Variants in NOD2 observed in about 807,000 individuals in gnomAD.
NOD2 encodes the protein nucleotide-binding oligomerization domain-containing protein 2.
In NOD2, 86 loss-of-function variants were observed where a neutral mutation model predicts 90.9. That is an observed-to-expected ratio of 0.95 (90% confidence interval 0.79 to 1.13). The LOEUF (loss-of-function observed/expected upper bound fraction) is 1.13, where lower values mean the gene tolerates loss of function less well. NOD2 is among the 50% of genes most tolerant of loss of function. The pLI is 0.00. For synonymous variants in NOD2, 581 were observed against 554.6 expected, an observed-to-expected ratio of 1.05 and a Z score of -0.67; for missense variants, 1,238 against 1,283.8, an observed-to-expected ratio of 0.96 and a Z score of 0.55.
At chr16:50,714,645 T>TGTGTGTGTGA (rs761798765) in intron 4 of NOD2, among the ~76,000 whole-genome samples, 1 of 129,100 alleles carries the variant, frequency 7.7e-6, no homozygotes, top group Non-Finnish European at 1.8e-5. Flanking sequence ...TGTGTGTGTA[T>TGTGTGTGTGA]GAGAGAGAGA....
At chr16:50,710,532 C>T (rs892227931) in intron 3 of NOD2, 26 bp from the exon 4 acceptor site, 12 of 1,613,912 alleles carry the variant, frequency 7.4e-6, no homozygotes, top group Admixed American at 6.7e-5. Context: ...GTGCCACCTT[C>T]ATCTGCCTCT....
At chr16:50,703,844 A>G (rs1178434934) in intron 2 of NOD2, among the ~76,000 whole-genome samples, 3 of 152,146 alleles carry the variant, frequency 2.0e-5, no homozygotes, top group African/African-American at 7.2e-5. Flanking sequence ...CAATGCCATG[A>G]ATGAGTCTGG....
chr16:50,726,127 C>T (rs77343505), intron 10 of NOD2, among the ~76,000 whole-genome samples: 3,288 of 152,254 alleles, frequency 0.022, 49 homozygotes, highest in Non-Finnish European at 0.033. Flanking sequence ...ACTGTGGCCT[C>T]CTCCAGTGGC....
chr16:50,713,333 T>G (rs892789450), intron 4 of NOD2: 1 of 152,162 alleles, frequency 6.6e-6, no homozygotes, highest in Non-Finnish European at 1.5e-5. Flanking sequence ...CTGAGAGTAT[T>G]AGGATGGTAT....
intron 1 of NOD2, 22 bp from the exon 2 acceptor site, chr16:50,699,466 C>A (rs777226073): frequency 1.2e-6 from 2 of 1,607,238 alleles, no homozygotes; most frequent in East Asian, 4.5e-5. Flanking sequence ...AAGTCCCGCA[C>A]TGACCTTGTT....
chr16:50,714,583 T>G (rs1596878152), intron 4 of NOD2, among the ~76,000 whole-genome samples: 3 of 150,376 alleles, frequency 2.0e-5, no homozygotes, highest in Admixed American at 6.6e-5. Context: ...GAAGCAACCA[T>G]GAGGTTGCTG....
intron 2 of NOD2, among the ~76,000 whole-genome samples, chr16:50,704,412 A>C (rs774939340): frequency 4.6e-5 from 7 of 152,074 alleles, no homozygotes; most frequent in Non-Finnish European, 8.8e-5. Context: ...GTTCCCTCAT[A>C]CTGGATTGAT....
intron 1 of NOD2, chr16:50,697,334 T>G: frequency 6.4e-7 from 1 of 1,551,374 alleles, no homozygotes; most frequent in Non-Finnish European, 8.7e-7. Flanking sequence ...GAGCAGGCAT[T>G]GTCCCGTCCC....
intron 1 of NOD2, among the ~76,000 whole-genome samples, chr16:50,694,442 A>G (rs984048436): frequency 6.6e-6 from 1 of 152,154 alleles, no homozygotes; most frequent in Non-Finnish European, 1.5e-5. Context: ...TCACTCAGCC[A>G]TGGGGCTGCT....
chr16:50,715,972 ATGT>A (rs1240849221), intron 4 of NOD2, among the ~76,000 whole-genome samples: 1 of 152,066 alleles, frequency 6.6e-6, no homozygotes. Flanking sequence ...CTTTCAGATG[ATGT>A]TGTGATCAGG....
At chr16:50,718,009 G>A (rs1442456366) in intron 6 of NOD2, among the ~76,000 whole-genome samples, 3 of 152,256 alleles carry the variant, frequency 2.0e-5, no homozygotes, top group Admixed American at 6.5e-5. Context: ...ATTAGGCACA[G>A]TAAGAGAGTA....
At position 50,698,792 on chromosome 16, in the gene NOD2, G is replaced by C. The variant is rs190026427; in HGVS notation, c.-8-696G>C. On this transcript the variant is annotated intron_variant, in intron 1 of 11. Transcript: ENST00000647318. ...CACTTAGAATGGCACTTGGTGTGTA[G>C]TTTATGCTTAATTAATATTAGCCGT... Among the ~76,000 whole-genome samples the C allele has an allele frequency of 1.2e-3, 185 of 152,288 alleles. 1 individual carries two copies. Among genetic ancestry groups the C allele is most frequent in the African/African-American group, 4.1e-3 (170 of 41,546 alleles).
At chr16:50,721,014 C>T (rs555071287) in intron 7 of NOD2, among the ~76,000 whole-genome samples, 8 of 151,796 alleles carry the variant, frequency 5.3e-5, no homozygotes, top group Admixed American at 2.0e-4. Flanking sequence ...CATGTTGGCC[C>T]GGCTGGTCTT....
At position 50,710,549 on chromosome 16, in the gene NOD2, G is replaced by A; in HGVS notation, c.566-9G>A. On this transcript the variant is annotated splice_polypyrimidine_tract_variant and intron_variant, in intron 3 of 11. Coordinates refer to ENST00000647318, the MANE Select transcript of NOD2 (RefSeq NM_001370466.1). ...GCCACCTTCATCTGCCTCTTCTTCT[G>A]CCTTCCAGCTGCCACATGCAAGAAG... is the stretch of plus-strand genomic sequence containing the variant. The A allele has an allele frequency of 6.2e-7, 1 of 1,614,116 alleles. No individual in the cohort carries two copies. Among genetic ancestry groups the A allele is most frequent in the South Asian group, 1.1e-5 (1 of 91,068 alleles).
chr16:50,710,850 C>T lies in NOD2; in HGVS notation c.858C>T (p.His286=), dbSNP rs1855480874. The change falls in exon 4 of 12, where the codon CAC becomes CAT. Residue 286 remains histidine (H), a synonymous_variant. Transcript: ENST00000647318. ...AGAGCACGCTCCTGCAGCGGCTGCA[C>T]TTGCTGTGGGCTGCAGGGCAAGACT... ...SGKSTLLQRL[H]LLWAAGQDFQ... The T allele has an allele frequency of 3.1e-6, 5 of 1,614,114 alleles. No homozygotes were observed. In the African/African-American group the frequency reaches 4.0e-5, roughly 13 times the overall value.
chr16:50,722,314 C>T (rs1375729441), intron 7 of NOD2, among the ~76,000 whole-genome samples: 1 of 152,190 alleles, frequency 6.6e-6, no homozygotes, highest in African/African-American at 2.4e-5. Context: ...GAAAAAGTGT[C>T]ACAACTGTAA....
chr16:50,730,862 C>T (rs1965429739), intron 11 of NOD2, among the ~76,000 whole-genome samples: 1 of 152,316 alleles, frequency 6.6e-6, no homozygotes, highest in African/African-American at 2.4e-5. Flanking sequence ...TCAAAAAGCA[C>T]ATCAAGGCTG....
rs112119469 is a variant in NOD2 at position 50,712,777 on chromosome 16, G to A, written c.2381+404G>A. On this transcript the variant is annotated intron_variant, in intron 4 of 11. Transcript: ENST00000647318. Reference sequence around the variant, plus strand: ...GGTTTTCTGCCTCCCACCAGTCTATGGATACACTTCAGAGGCTCCCTGAAA... The same window carrying A: ...GGTTTTCTGCCTCCCACCAGTCTATAGATACACTTCAGAGGCTCCCTGAAA... 99 of 287,492 alleles carry A rather than the reference G, an allele frequency of 3.4e-4. 1 individual carries two copies. The highest frequency in any genetic ancestry group is 2.1e-3 in the African/African-American group (98 of 46,182). 17.8% of individuals were successfully genotyped at this position (287,492 alleles called of 1,614,324 possible). A position where few individuals can be genotyped will look rare whatever the true frequency, so the allele number is the denominator to read the frequency against.
chr16:50,711,730 C>G lies in NOD2; in HGVS notation c.1738C>G (p.Gln580Glu). ...CCTGGAATTCCTTCACATCACTTTC[C>G]AGTGCTTCTTTGCCGCGTTCTACCT... is the stretch of plus-strand genomic sequence containing the variant. The part of the protein sequence containing the change: ...APLEFLHITF[Q>E]CFFAAFYLAL... Residue 580 changes from glutamine to glutamate, a missense_variant, in exon 4 of 12, where the codon CAG becomes GAG. Physicochemically the swap from Gln to Glu is conservative, Grantham distance 29. Transcript: ENST00000647318. 1 of 1,614,180 alleles carries G rather than the reference C, an allele frequency of 6.2e-7. No homozygotes were observed. The highest frequency in any genetic ancestry group is 8.5e-7 in the Non-Finnish European group (1 of 1,180,034).
Sources: allele counts gnomAD v4.1 joint callset (sites outside exome capture counted in the v4.1 genomes callset), GRCh38; gene constraint gnomAD v4.1.1; transcripts MANE v1.5; gene names NCBI Gene and HGNC (gene_info 2026-07-23, HGNC 2026-07-21).